Variants in AGTPBP1 observed in about 807,000 individuals in gnomAD.
AGTPBP1 encodes ATP/GTP binding carboxypeptidase 1, also known as cytosolic carboxypeptidase 1.
AGTPBP1 carries 70 observed loss-of-function variants against 143.9 expected under a neutral mutation model. The observed-to-expected ratio is 0.49, with a 90% CI of 0.40 to 0.59. The LOEUF is 0.59. Ranked by LOEUF, AGTPBP1 falls within the 20% of genes least tolerant of loss-of-function variation. The pLI is 0.00. For missense variants in AGTPBP1, 1,229 were observed against 1,464.5 expected (o/e 0.84, Z 2.62); for synonymous variants, 463 against 500.2 (o/e 0.93, Z 0.99).
chr9:85,572,978 AGG>A (rs1827610169), intron 25 of AGTPBP1, among the ~76,000 whole-genome samples: 2 of 152,204 alleles, frequency 1.3e-5, no homozygotes, highest in African/African-American at 4.8e-5. Context: ...AAAATCATGA[AGG>A]TTCTATAAAA....
chr9:85,604,395 T>A (rs1177291065), intron 17 of AGTPBP1, among the ~76,000 whole-genome samples: 1 of 151,980 alleles, frequency 6.6e-6, no homozygotes, highest in Non-Finnish European at 1.5e-5. Flanking sequence ...TCTGCAAGAG[T>A]CACAGTGTTA....
intron 10 of AGTPBP1, 67 bp downstream of exon 10, chr9:85,657,368 C>A: frequency 7.4e-7 from 1 of 1,350,980 alleles, no homozygotes; most frequent in Non-Finnish European, 1.0e-6. Context: ...CACACTAATT[C>A]AGTTTTCTTA....
At chr9:85,587,031 C>G in intron 21 of AGTPBP1, 71 bp from the exon 22 acceptor site, 1 of 1,561,916 alleles carries the variant, frequency 6.4e-7, no homozygotes, top group Non-Finnish European at 8.7e-7. Flanking sequence ...TTCTTAAACC[C>G]TTATATACAT....
intron 17 of AGTPBP1, among the ~76,000 whole-genome samples, chr9:85,601,318 T>C (rs1027171895): frequency 6.6e-6 from 1 of 152,110 alleles, no homozygotes; most frequent in Non-Finnish European, 1.5e-5. Context: ...GTCCTCATTA[T>C]AGCCAGAGCC....
chr9:85,683,072 C>T (rs1835287775), intron 3 of AGTPBP1, among the ~76,000 whole-genome samples: 1 of 152,162 alleles, frequency 6.6e-6, no homozygotes, highest in African/African-American at 2.4e-5. Context: ...AACCTTACAT[C>T]TTTCAAAACA....
At chr9:85,567,425 T>C (rs1335825408) in intron 25 of AGTPBP1, among the ~76,000 whole-genome samples, 1 of 151,962 alleles carries the variant, frequency 6.6e-6, no homozygotes, top group Non-Finnish European at 1.5e-5. Context: ...GCCCCGTATC[T>C]ACTAAAAATA....
At chr9:85,750,377 G>A in the AGTPBP1 span, among the ~76,000 whole-genome samples, 2 of 152,080 alleles carry the variant, frequency 1.3e-5, no homozygotes, top group Admixed American at 1.3e-4. Context: ...TAACTCAGAT[G>A]GGTGTAACAT....
intron 11 of AGTPBP1, among the ~76,000 whole-genome samples, chr9:85,653,317 T>C (rs1158722645): frequency 2.0e-5 from 3 of 152,094 alleles, no homozygotes; most frequent in African/African-American, 7.2e-5. Context: ...AACCCTCCTC[T>C]CCCATCTGAA....
At chr9:85,574,729 G>GTTTTT in intron 25 of AGTPBP1, among the ~76,000 whole-genome samples, 1 of 148,278 alleles carries the variant, frequency 6.7e-6, no homozygotes. Flanking sequence ...TTTTTTTGGA[G>GTTTTT]ATAGAGTCTC....
rs766433002 is a variant in AGTPBP1 at position 85,672,684 on chromosome 9, G to GT, written c.437-4dup. On this transcript the variant is annotated splice_polypyrimidine_tract_variant and splice_region_variant and intron_variant, in intron 6 of 25. Coordinates refer to ENST00000357081, the MANE Select transcript of AGTPBP1 (RefSeq NM_001330701.2). ...AGCCTTTACTCCAAATTTTTTATCT[G>GT]TTTAAAAAAAAAAAAGACAATTTAT... 6 of 1,342,030 alleles carry GT rather than the reference G, an allele frequency of 4.5e-6. No individual in the cohort carries two copies. The South Asian group carries it at 4.5e-5, about 10-fold the overall frequency. The allele number at this position is 1,342,030 out of a possible 1,614,324, so 83.1% of individuals were successfully genotyped here.
chr9:85,744,105 T>A (rs1156367516), upstream of AGTPBP1, among the ~76,000 whole-genome samples: 1 of 151,922 alleles, frequency 6.6e-6, no homozygotes, highest in South Asian at 2.1e-4. Flanking sequence ...ATTTTTTTAA[T>A]TGTTTTTGTA....
chr9:85,803,784 C>T, the AGTPBP1 span, among the ~76,000 whole-genome samples: 1 of 152,194 alleles, frequency 6.6e-6, no homozygotes, highest in Non-Finnish European at 1.5e-5. Context: ...GTCTTGACAA[C>T]CCTTTGAATT....
At chr9:85,565,134 C>A (rs1360746081) in intron 25 of AGTPBP1, among the ~76,000 whole-genome samples, 1 of 152,164 alleles carries the variant, frequency 6.6e-6, no homozygotes, top group African/African-American at 2.4e-5. Flanking sequence ...TTATGGCAGC[C>A]TGAGCTGACT....
intron 17 of AGTPBP1, among the ~76,000 whole-genome samples, chr9:85,604,687 A>T (rs1829885410): frequency 6.6e-6 from 1 of 152,218 alleles, no homozygotes; most frequent in Admixed American, 6.5e-5. Context: ...TTTCAGACAG[A>T]GAATTCAAAC....
At chr9:85,774,087 C>A in the AGTPBP1 span, 23 of 1,199,264 alleles carry the variant, frequency 1.9e-5, no homozygotes, top group African/African-American at 3.0e-5. Context: ...GGTGTGGGTA[C>A]TGAAGGAAGA....
intron 24 of AGTPBP1, among the ~76,000 whole-genome samples, chr9:85,577,525 C>T (rs889831937): frequency 3.3e-5 from 5 of 152,150 alleles, no homozygotes; most frequent in African/African-American, 1.2e-4. Context: ...TCTCTCACCA[C>T]CACCATGCCC....
At chr9:85,679,553 G>A (rs547304875) in intron 4 of AGTPBP1, among the ~76,000 whole-genome samples, 15 of 152,118 alleles carry the variant, frequency 9.9e-5, no homozygotes, top group African/African-American at 3.4e-4. Flanking sequence ...GACTACAGGC[G>A]TCCGCCACCA....
the AGTPBP1 span, among the ~76,000 whole-genome samples, chr9:85,760,176 A>G: frequency 1.3e-5 from 2 of 152,226 alleles, no homozygotes; most frequent in East Asian, 3.8e-4. Context: ...TCACAGCCGA[A>G]TTCTACCAGA....
At chr9:85,597,536 T>C (rs1829375012) in intron 17 of AGTPBP1, among the ~76,000 whole-genome samples, 1 of 152,238 alleles carries the variant, frequency 6.6e-6, no homozygotes, top group East Asian at 1.9e-4. Flanking sequence ...AACTTTGTTA[T>C]GTTTAAGTCA....
Sources: allele counts gnomAD v4.1 joint callset (sites outside exome capture counted in the v4.1 genomes callset), GRCh38; gene constraint gnomAD v4.1.1; transcripts MANE v1.5; gene names NCBI Gene and HGNC (gene_info 2026-07-23, HGNC 2026-07-21).